The following ITSN2 variants were observed in gnomAD, a reference collection of about 807,000 sequenced individuals.
The protein encoded by ITSN2 is intersectin 2.
ITSN2 carries 156 observed loss-of-function variants against 243.7 expected under a neutral mutation model. The observed-to-expected ratio is 0.64, with a 90% CI of 0.56 to 0.73. The LOEUF (loss-of-function observed/expected upper bound fraction) is 0.73. ITSN2 is among the 30% of genes least tolerant of loss of function. The probability of loss-of-function intolerance (pLI) is 0.00; values close to 1 mark genes in which losing one functional copy is unlikely to be tolerated. For missense variants in ITSN2, 1,801 were observed against 1,996.1 expected, an observed-to-expected ratio of 0.90 and a Z score of 1.86; for synonymous variants, 703 against 699.9, an observed-to-expected ratio of 1.00 and a Z score of -0.07.
chr2:24,233,319 T>C (rs1288601615), intron 29 of ITSN2, among the ~76,000 whole-genome samples: 2 of 152,194 alleles, frequency 1.3e-5, no homozygotes, highest in South Asian at 2.1e-4. Context: ...ACAAATTCTA[T>C]AGCACTGGCT....
At chr2:24,334,643 C>A in intron 1 of ITSN2, 1 of 1,327,224 alleles carries the variant, frequency 7.5e-7, no homozygotes, top group Non-Finnish European at 1.1e-6. Flanking sequence ...ATACAGGAAG[C>A]AGAGTGGTTA....
intron 15 of ITSN2, chr2:24,293,481 A>G: frequency 2.9e-6 from 1 of 342,080 alleles, no homozygotes; most frequent in Non-Finnish European, 5.3e-6. Flanking sequence ...TACCACAATC[A>G]TTACTATTTT....
chr2:24,295,575 C>T (rs948669593), intron 14 of ITSN2, 89 bp downstream of exon 14: 10 of 1,041,300 alleles, frequency 9.6e-6, no homozygotes, highest in Non-Finnish European at 1.3e-5. Context: ...TCCCAAAGTG[C>T]TAGCATTACA....
chr2:24,347,015 C>T (rs1321429671), intron 1 of ITSN2, among the ~76,000 whole-genome samples: 1 of 151,998 alleles, frequency 6.6e-6, no homozygotes, highest in Non-Finnish European at 1.5e-5. Flanking sequence ...CAGGCACCCG[C>T]CACCACGCCC....
At chr2:24,213,929 C>T (rs776081429) in intron 32 of ITSN2, among the ~76,000 whole-genome samples, 9 of 152,134 alleles carry the variant, frequency 5.9e-5, no homozygotes, top group Non-Finnish European at 1.2e-4. Context: ...AGGAAAAATA[C>T]GATAATCATT....
Position 24,254,363 on chromosome 2 carries a change from T to C in ITSN2, c.2953+4A>G. ...ATCTAATTTACAAATTGCCAAAAGC[T>C]TACCTTCTCCAACTGAATAGGCTGC... On this transcript the variant is annotated splice_donor_region_variant and intron_variant, in intron 24 of 39. Transcript: ENST00000355123. 2 of 1,607,862 alleles carry C rather than the reference T, an allele frequency of 1.2e-6. No individual in the cohort carries two copies. The highest frequency in any genetic ancestry group is 1.7e-6 in the Non-Finnish European group (2 of 1,174,638).
At chr2:24,259,697 T>C (rs1490736538) in intron 22 of ITSN2, among the ~76,000 whole-genome samples, 1 of 152,188 alleles carries the variant, frequency 6.6e-6, no homozygotes, top group Non-Finnish European at 1.5e-5. Context: ...TGGGAATAAC[T>C]TTCCTTCTTT....
At chr2:24,352,703 G>C (rs1220094674) in intron 1 of ITSN2, among the ~76,000 whole-genome samples, 1 of 152,238 alleles carries the variant, frequency 6.6e-6, no homozygotes, top group Admixed American at 6.5e-5. Flanking sequence ...GACAGGAATA[G>C]CAAACTAATA....
chr2:24,209,127 G>C lies in ITSN2; in HGVS notation c.4568C>G (p.Thr1523Ser). ...CTCATTAATGTTGTCTGTTCGGAGG[G>C]TGTAGACCCGATCAATGTGGGAAAT... is the stretch of plus-strand genomic sequence containing the variant. ...FHISHIDRVY[T>S]LRTDNINERT... is the part of the protein sequence containing the mutation. The change falls in exon 36 of 40, where the codon ACC (threonine) becomes AGC (serine). Residue 1523 changes from threonine (T) to serine (S), a missense_variant. Thr to Ser is a moderately conservative substitution (Grantham distance 58, BLOSUM62 1). Transcript: ENST00000355123. The C allele has an allele frequency of 2.5e-6, 4 of 1,614,126 alleles. No homozygotes were observed. Among genetic ancestry groups the C allele is most frequent in the Non-Finnish European group, 3.4e-6 (4 of 1,179,978 alleles).
chr2:24,250,200 T>C (rs1452066765), intron 25 of ITSN2, among the ~76,000 whole-genome samples: 1 of 152,244 alleles, frequency 6.6e-6, no homozygotes, highest in East Asian at 1.9e-4. Context: ...AGTATTTGTG[T>C]GACTAAATTG....
chr2:24,251,309 C>CAAAAAAAAAATAAAAAAAAAA lies in ITSN2; in HGVS notation c.3120+1035_3120+1036insTTTTTTTTTTATTTTTTTTTT. On this transcript the variant is annotated intron_variant, in intron 25 of 39. Transcript: ENST00000355123. ...TGGGCAACAGAACTAAACTCCATCT[C>CAAAAAAAAAATAAAAAAAAAA]AAAAAAAAAAAAAAATAAAATATAT... Among the ~76,000 whole-genome samples the CAAAAAAAAAATAAAAAAAAAA allele has an allele frequency of 1.7e-3, 37 of 22,012 alleles. 18 individuals are homozygous for CAAAAAAAAAATAAAAAAAAAA. Among genetic ancestry groups the CAAAAAAAAAATAAAAAAAAAA allele is most frequent in the South Asian group, 6.4e-3 (4 of 624 alleles). 14.4% of individuals were successfully genotyped at this position (22,012 alleles called of 152,430 possible).
At chr2:24,275,378 C>G (rs933963464) in intron 18 of ITSN2, among the ~76,000 whole-genome samples, 1 of 152,186 alleles carries the variant, frequency 6.6e-6, no homozygotes, top group Non-Finnish European at 1.5e-5. Flanking sequence ...TTATTTAATA[C>G]ATTTACCTAT....
chr2:24,209,630 T>C, intron 35 of ITSN2, among the ~76,000 whole-genome samples, 188 bp downstream of exon 35: 1 of 152,192 alleles, frequency 6.6e-6, no homozygotes, highest in East Asian at 1.9e-4. Context: ...GCTGATGGCC[T>C]GTGGCAGGTG....
chr2:24,313,618 T>A lies in ITSN2; in HGVS notation c.125-95A>T. Reference sequence around the variant, plus strand: ...TAATGGGTATATGTTAATGATTTATTATAATTTTAATACCAATCATTAAAG... The same window carrying A: ...TAATGGGTATATGTTAATGATTTATAATAATTTTAATACCAATCATTAAAG... On this transcript the variant is annotated intron_variant, in intron 3 of 39. Coordinates refer to ENST00000355123, the MANE Select transcript of ITSN2 (RefSeq NM_006277.3). 3.9e-6 allele frequency: 3 copies of A among 773,404 alleles called. No homozygotes were observed. In the South Asian group the frequency reaches 5.8e-5, roughly 15 times the overall value. 47.9% of individuals were successfully genotyped at this position (773,404 alleles called of 1,614,324 possible). A position where few individuals can be genotyped will look rare whatever the true frequency, so the allele number is the denominator to read the frequency against.
intron 29 of ITSN2, among the ~76,000 whole-genome samples, chr2:24,227,199 G>A (rs952077268): frequency 6.6e-6 from 1 of 151,696 alleles, no homozygotes; most frequent in African/African-American, 2.4e-5. Context: ...CCAAAGGAAT[G>A]GTGCAACTGG....
intron 8 of ITSN2, among the ~76,000 whole-genome samples, chr2:24,307,291 TGACACAGTGCTAA>T (rs1322591143): frequency 6.6e-6 from 1 of 151,732 alleles, no homozygotes; most frequent in African/African-American, 2.4e-5. Context: ...AATAAAACTA[TGACACAGTGCTAA>T]GACATCACTA....
intron 20 of ITSN2, among the ~76,000 whole-genome samples, chr2:24,268,231 T>C (rs954779480): frequency 2.0e-5 from 3 of 152,226 alleles, no homozygotes; most frequent in Non-Finnish European, 2.9e-5. Flanking sequence ...TCACTTTCAA[T>C]GAAACCTCCG....
chr2:24,239,812 A>G (rs1672531120), intron 29 of ITSN2: 1 of 152,130 alleles, frequency 6.6e-6, no homozygotes, highest in African/African-American at 2.4e-5. Context: ...ATGTCATATG[A>G]TTTCCATTCT....
At chr2:24,317,027 G>C (rs1684007857) in intron 2 of ITSN2, among the ~76,000 whole-genome samples, 1 of 152,218 alleles carries the variant, frequency 6.6e-6, no homozygotes, top group African/African-American at 2.4e-5. Flanking sequence ...TTGTCAAATA[G>C]AAATGGTATA....
Sources: allele counts gnomAD v4.1 joint callset (sites outside exome capture counted in the v4.1 genomes callset), GRCh38; gene constraint gnomAD v4.1.1; transcripts MANE v1.5; gene names NCBI Gene and HGNC (gene_info 2026-07-23, HGNC 2026-07-21).